TMED5: variants seen among roughly 807,000 people sequenced by gnomAD.
TMED5 encodes the protein transmembrane emp24 domain-containing protein 5.
In TMED5, 27 loss-of-function variants were observed where a neutral mutation model predicts 23.0. The ratio of observed to expected loss-of-function variants is 1.17; its 90% CI spans 0.86 to 1.62. The LOEUF is 1.62. Ranked by LOEUF, TMED5 falls within the 40% of genes most tolerant of loss-of-function variation. The pLI, the probability that TMED5 is intolerant of heterozygous loss-of-function variation, is 0.00. For missense variants in TMED5, 248 were observed against 273.7 expected (o/e 0.91, Z 0.66); for synonymous variants, 97 against 100.8 (o/e 0.96, Z 0.23).
At chr1:93,165,269 C>T (rs574406895) in intron 1 of TMED5, among the ~76,000 whole-genome samples, 9 of 152,022 alleles carry the variant, frequency 5.9e-5, no homozygotes, top group Non-Finnish European at 1.3e-4. Context: ...AGTTTTTTAT[C>T]AATAGATAAC....
Position 93,154,743 on chromosome 1 carries a change from A to G in TMED5, c.617T>C (p.Met206Thr). 1.2e-6 allele frequency: 2 copies of G among 1,614,116 alleles called. No homozygotes were observed. Among genetic ancestry groups the G allele is most frequent in the South Asian group, 1.1e-5 (1 of 91,080 alleles). The change falls in exon 4 of 4, where the codon ATG becomes ACG. Residue 206 changes from methionine (M) to threonine (T), a missense_variant. Met to Thr is a moderately conservative substitution (Grantham distance 81). Transcript: ENST00000370282. ...AACTTGAATGGCTGACACCACCACC[A>G]TGACCACTAAATTAACCATAGACCA... ...NFWSMVNLVV[M>T]VVVSAIQVYM...
chr1:93,178,334 G>C lies in TMED5; in HGVS notation c.189+1720C>G, dbSNP rs138059836. Among the ~76,000 whole-genome samples, 27 of 152,196 alleles carry C rather than the reference G, an allele frequency of 1.8e-4. No homozygotes were observed. In the East Asian group the frequency reaches 3.7e-3, roughly 21 times the overall value. ...TACACTATGTATTTTAAGAACTATGGATCTTTTTGTTCGCTTTTCTGAAAT... is the reference window on the plus strand; with the variant it reads ...TACACTATGTATTTTAAGAACTATGCATCTTTTTGTTCGCTTTTCTGAAAT... On this transcript the variant is annotated intron_variant, in intron 1 of 3. Coordinates refer to ENST00000370282, the MANE Select transcript of TMED5 (RefSeq NM_016040.5).
intron 1 of TMED5, chr1:93,162,634 T>A (rs1648323737): frequency 6.6e-6 from 1 of 151,928 alleles, no homozygotes; most frequent in Admixed American, 6.6e-5. Context: ...AGAAGAAAAA[T>A]TCCTGTTTCA....
intron 1 of TMED5, among the ~76,000 whole-genome samples, chr1:93,169,774 G>C (rs2783493): frequency 1.4e-4 from 22 of 152,000 alleles, no homozygotes; most frequent in South Asian, 6.2e-4. Flanking sequence ...ATGGCCAGGC[G>C]TGGTGGCCAA....
At chr1:93,157,008 A>G (rs967172821) in intron 2 of TMED5, among the ~76,000 whole-genome samples, 1 of 152,134 alleles carries the variant, frequency 6.6e-6, no homozygotes, top group Non-Finnish European at 1.5e-5. Context: ...ATGGTTAGTG[A>G]CCTCATTTTT....
intron 1 of TMED5, among the ~76,000 whole-genome samples, chr1:93,163,528 G>A (rs1196862592): frequency 6.6e-6 from 1 of 151,648 alleles, no homozygotes; most frequent in Non-Finnish European, 1.5e-5. Flanking sequence ...ATTTTGTAGA[G>A]ATGGGGTTTC....
intron 1 of TMED5, chr1:93,162,783 G>A (rs1247393539): frequency 6.6e-6 from 1 of 152,184 alleles, no homozygotes; most frequent in African/African-American, 2.4e-5. Context: ...AAGTAGTAGA[G>A]AACTGCAAAA....
chr1:93,163,608 G>A (rs1571276319), intron 1 of TMED5, among the ~76,000 whole-genome samples: 1 of 151,646 alleles, frequency 6.6e-6, no homozygotes, highest in East Asian at 2.0e-4. Flanking sequence ...CTTCCAAAGT[G>A]CTGGGATTAC....
chr1:93,178,005 T>C (rs2101176884), intron 1 of TMED5, among the ~76,000 whole-genome samples: 1 of 152,336 alleles, frequency 6.6e-6, no homozygotes, highest in South Asian at 2.1e-4. Context: ...TTAATACAAA[T>C]TGTTTTCTTA....
intron 1 of TMED5, 190 bp downstream of exon 1, chr1:93,179,864 G>A (rs1161082061): frequency 5.3e-6 from 3 of 566,340 alleles, no homozygotes; most frequent in East Asian, 3.4e-5. Context: ...TCCAGCCTAA[G>A]TTCTGGGTCC....
chr1:93,172,131 G>C (rs1648751740), intron 1 of TMED5, among the ~76,000 whole-genome samples: 1 of 152,174 alleles, frequency 6.6e-6, no homozygotes, highest in Non-Finnish European at 1.5e-5. Flanking sequence ...GAAACTAGAA[G>C]CTTTCTCACT....
In TMED5 at chr1:93,158,577, G is replaced by GTTT. The variant is rs35305642; in HGVS notation, c.287+1549_287+1551dup. ...ACTTAAAAGATGAACTACATTTTTA[G>GTTT]TTTTGTTTTTTTTTTTGAGATGGAG... On this transcript the variant is annotated intron_variant, in intron 2 of 3. Transcript: ENST00000370282. Among the ~76,000 whole-genome samples, 61 of 143,550 alleles carry GTTT rather than the reference G, an allele frequency of 4.2e-4. 4 individuals are homozygous for GTTT. The highest frequency in any genetic ancestry group is 1.1e-3 in the African/African-American group (44 of 38,878). The allele number at this position is 143,550 out of a possible 152,430, so 94.2% of individuals were successfully genotyped here.
chr1:93,174,732 A>G (rs1399717499), intron 1 of TMED5, among the ~76,000 whole-genome samples: 1 of 152,168 alleles, frequency 6.6e-6, no homozygotes, highest in East Asian at 1.9e-4. Flanking sequence ...CTAAGTGAGA[A>G]CACGTGGTAT....
chr1:93,170,509 G>GC (rs1415860253), intron 1 of TMED5, among the ~76,000 whole-genome samples: 1 of 152,200 alleles, frequency 6.6e-6, no homozygotes, highest in African/African-American at 2.4e-5. Flanking sequence ...CCTCCCCTCA[G>GC]CCCCCCACTG....
chr1:93,160,515 A>C (rs1379901949), intron 1 of TMED5: 7 of 222,356 alleles, frequency 3.1e-5, no homozygotes, highest in Non-Finnish European at 4.5e-5. Flanking sequence ...TCCCTGTAGA[A>C]TGGACGGAAA....
chr1:93,156,600 C>T (rs1264801358), intron 2 of TMED5, 117 bp from the exon 3 acceptor site: 5 of 767,198 alleles, frequency 6.5e-6, no homozygotes, highest in South Asian at 5.5e-5. Flanking sequence ...CCTGTAATCC[C>T]AGCATTTTGA....
At chr1:93,169,915 A>ACACACACACACACG (rs1295685128) in intron 1 of TMED5, among the ~76,000 whole-genome samples, 2 of 151,560 alleles carry the variant, frequency 1.3e-5, no homozygotes, top group Non-Finnish European at 2.9e-5. Flanking sequence ...ACACACACAC[A>ACACACACACACACG]CACAAAATTA....
Position 93,167,513 on chromosome 1 carries a change from C to G in TMED5, c.190-7287G>C, listed in dbSNP as rs560213189. Among the ~76,000 whole-genome samples the G allele has an allele frequency of 9.2e-5, 14 of 152,074 alleles. 1 individual carries two copies. The highest frequency in any genetic ancestry group is 3.1e-4 in the African/African-American group (13 of 41,506). On this transcript the variant is annotated intron_variant, in intron 1 of 3. Coordinates refer to ENST00000370282, the MANE Select transcript of TMED5 (RefSeq NM_016040.5). The stretch of plus-strand genomic sequence containing the variant: ...AATTCTTTTTTAATTTTACTTGTGG[C>G]TACTGTAAATGAGATTACTTTTTAA...
chr1:93,179,983 A>G, intron 1 of TMED5, 71 bp downstream of exon 1: 2 of 1,473,908 alleles, frequency 1.4e-6, no homozygotes, highest in Non-Finnish European at 9.2e-7. Context: ...AGAAGTTTCT[A>G]AACGGGTGAG....
Sources: gnomAD v4.1 joint callset for allele counts (sites outside exome capture counted in the v4.1 genomes callset) on GRCh38, gnomAD v4.1.1 for gene constraint, MANE v1.5 for transcripts, NCBI Gene and HGNC (gene_info 2026-07-23, HGNC 2026-07-21) for gene names.